CFAP251: variants seen among roughly 807,000 people sequenced by gnomAD.
CFAP251 encodes the protein cilia and flagella associated protein 251.
CFAP251 carries 93 observed loss-of-function variants against 126.7 expected under a neutral mutation model. That is an observed-to-expected ratio of 0.73 (90% CI 0.62 to 0.87). The LOEUF is 0.87. Among genes scored for constraint, CFAP251 ranks in the 40% least tolerant of loss-of-function variants. The pLI is 0.00. For synonymous variants in CFAP251, 503 were observed against 506.9 expected (o/e 0.99, Z 0.10); for missense variants, 1,287 against 1,389.2 (o/e 0.93, Z 1.17).
At chr12:121,934,201 G>A in intron 4 of CFAP251, 46 bp from the exon 5 acceptor site, 2 of 1,511,226 alleles carry the variant, frequency 1.3e-6, no homozygotes, top group Non-Finnish European at 1.8e-6. Flanking sequence ...GCCAAGGCTG[G>A]GCCGCATCTT....
At chr12:121,920,398 A>AT (rs35621554) in intron 1 of CFAP251, among the ~76,000 whole-genome samples, 6,402 of 96,292 alleles carry the variant, frequency 0.066, 398 homozygotes, top group East Asian at 0.21. Flanking sequence ...GGCTTTTTGT[A>AT]TTTTTTTTTT....
chr12:121,998,716 C>A (rs1176296222), intron 19 of CFAP251: 2 of 127,322 alleles, frequency 1.6e-5, no homozygotes, highest in African/African-American at 5.1e-5. Context: ...TGGTGAAACC[C>A]CGTCTCTAAA....
intron 2 of CFAP251, 42 bp downstream of exon 2, chr12:121,921,725 C>A (rs746037387): frequency 1.3e-6 from 2 of 1,562,956 alleles, no homozygotes; most frequent in South Asian, 1.2e-5. Context: ...CATTCAGAAT[C>A]ATTAGTTGAA....
chr12:121,994,018 A>G (rs1458258485), intron 19 of CFAP251, among the ~76,000 whole-genome samples: 1 of 7,636 alleles, frequency 1.3e-4, no homozygotes, highest in African/African-American at 7.5e-4. Flanking sequence ...TCCGGGAGGG[A>G]GGTGGGGGGG....
rs2135811383 is a variant in CFAP251, at chr12:121,989,995, T to A, written c.3007-9721T>A. ...ATAAGATGCTCTCGGGTGAGGGGAC[T>A]CCAGCCCACCACCAAGAGGCCACCC... On this transcript the variant is annotated intron_variant, in intron 19 of 21. Transcript: ENST00000288912. The surrounding 1 kb of genome is among the most constrained non-coding windows in gnomAD (Gnocchi z 4.2). Among the ~76,000 whole-genome samples the A allele has an allele frequency of 6.6e-6, 1 of 152,222 alleles. No individual in the cohort carries two copies. The highest frequency in any genetic ancestry group is 2.1e-4 in the South Asian group (1 of 4,820).
chr12:122,003,675 G>T lies in CFAP251; in HGVS notation c.3361G>T (p.Glu1121Ter). Reference sequence around the variant, plus strand: ...AGGTTCAGAAATTTGCCTTGAAGAAGAACTTCCAGACGAAATCACTGCAGA... The same window carrying T: ...AGGTTCAGAAATTTGCCTTGAAGAATAACTTCCAGACGAAATCACTGCAGA... ...VKGSEICLEEELPDEITAEIF... is the reference protein window; with the variant it reads ...VKGSEICLEE Residue 1121 changes from glutamate (E) to a stop codon, truncating the protein, a stop_gained, in exon 22 of 22, where the codon GAA (glutamate) becomes TAA (stop). Transcript: ENST00000288912. LOFTEE classifies it high-confidence loss of function. 6.2e-7 allele frequency: 1 copy of T among 1,610,428 alleles called. No individual in the cohort carries two copies. Among genetic ancestry groups the T allele is most frequent in the Non-Finnish European group, 8.5e-7 (1 of 1,179,010 alleles).
At chr12:122,001,465 A>G (rs1159422726) in intron 20 of CFAP251, 32 bp from the exon 21 acceptor site, 2 of 1,573,734 alleles carry the variant, frequency 1.3e-6, no homozygotes, top group East Asian at 4.5e-5. Context: ...CTCAAGAGTT[A>G]AACAATCACC....
intron 1 of CFAP251, 29 bp from the exon 2 acceptor site, chr12:121,921,256 AG>A: frequency 1.3e-6 from 2 of 1,529,414 alleles, no homozygotes; most frequent in Non-Finnish European, 1.7e-6. Context: ...GCTGAGGGCC[AG>A]CTGGTTATTA....
chr12:121,990,549 G>T (rs1882853892), intron 19 of CFAP251, among the ~76,000 whole-genome samples: 1 of 152,082 alleles, frequency 6.6e-6, no homozygotes, highest in Non-Finnish European at 1.5e-5. Flanking sequence ...CCTCCTACTG[G>T]CCAAACCCTT....
chr12:121,998,564 C>A (rs1440080888), intron 19 of CFAP251: 3 of 145,454 alleles, frequency 2.1e-5, no homozygotes, highest in Non-Finnish European at 4.5e-5. Context: ...TCTTTTCCTG[C>A]CTAATTTCCC....
chr12:121,925,051 C>T (rs143829322), intron 3 of CFAP251, among the ~76,000 whole-genome samples: 13 of 151,796 alleles, frequency 8.6e-5, no homozygotes, highest in African/African-American at 3.1e-4. Context: ...TTGTAAAACT[C>T]CTCCTTCATG....
intron 19 of CFAP251, among the ~76,000 whole-genome samples, chr12:121,979,925 C>T (rs1161583544): frequency 6.6e-6 from 1 of 152,212 alleles, no homozygotes; most frequent in African/African-American, 2.4e-5. Flanking sequence ...TTCTGGTTCA[C>T]AGAATTCCAG....
Position 121,949,031 on chromosome 12 carries a change from T to C in CFAP251, c.1239T>C (p.Asn413=). 1 of 1,589,848 alleles carries C rather than the reference T, an allele frequency of 6.3e-7. No homozygotes were observed. The highest frequency in any genetic ancestry group is 8.6e-7 in the Non-Finnish European group (1 of 1,168,264). Reference sequence around the variant, plus strand: ...CAAATAATAAAGAATTGGTGAGCAATAGTAAAACACGGGCAATATATTATG... The same window carrying C: ...CAAATAATAAAGAATTGGTGAGCAACAGTAAAACACGGGCAATATATTATG... The part of the protein sequence containing the change: ...NPTNNKELVS[N]SKTRAIYYAW... The change falls in exon 8 of 22, where the codon AAT becomes AAC. Residue 413 remains asparagine (N), a synonymous_variant. Coordinates refer to ENST00000288912, the MANE Select transcript of CFAP251 (RefSeq NM_144668.6).
intron 5 of CFAP251, among the ~76,000 whole-genome samples, chr12:121,940,993 C>T (rs1881089044): frequency 6.6e-6 from 1 of 151,994 alleles, no homozygotes; most frequent in African/African-American, 2.4e-5. Context: ...TTTTTGAAGG[C>T]AGCAAAGTTT....
rs142069376 is a variant in CFAP251 at position 122,003,839 on chromosome 12, A to G, written c.*75A>G. The G allele has an allele frequency of 1.1e-3, 1,203 of 1,136,668 alleles. 22 individuals carry two copies. The Admixed American group carries it at 0.025, about 24-fold the overall frequency. 70.4% of individuals were successfully genotyped at this position (1,136,668 alleles called of 1,614,324 possible). ...CACATGTGTGTGTTTTCCATGAGGC[A>G]CTGCTTTTTATGCATTTCCCTCCCC... On this transcript the variant is annotated 3_prime_UTR_variant, in exon 22 of 22. Transcript: ENST00000288912.
At chr12:121,954,636 T>TAAAAAA (rs1174239421) in intron 10 of CFAP251, among the ~76,000 whole-genome samples, 5,307 of 41,920 alleles carry the variant, frequency 0.13, 1,511 homozygotes, top group Non-Finnish European at 0.16. Flanking sequence ...CCTCCTGTCT[T>TAAAAAA]AAAAAAAAAA....
chr12:121,947,877 A>G (rs1881378063), intron 7 of CFAP251: 1 of 152,222 alleles, frequency 6.6e-6, no homozygotes, highest in Admixed American at 6.5e-5. Flanking sequence ...AAACACTGGC[A>G]TTAGTAGTTT....
At chr12:121,970,942 A>C (rs1458150305) in intron 17 of CFAP251, among the ~76,000 whole-genome samples, 1 of 152,172 alleles carries the variant, frequency 6.6e-6, no homozygotes, top group African/African-American at 2.4e-5. Context: ...ATGCCAGTAC[A>C]GCCCCCTGGC....
At chr12:121,944,837 C>T (rs1472483391) in intron 7 of CFAP251, among the ~76,000 whole-genome samples, 1 of 152,188 alleles carries the variant, frequency 6.6e-6, no homozygotes, top group African/African-American at 2.4e-5. Flanking sequence ...GTCTGGAGAG[C>T]AGTGGCGCGA....
Sources: allele counts gnomAD v4.1 joint callset (sites outside exome capture counted in the v4.1 genomes callset), GRCh38; gene constraint gnomAD v4.1.1; non-coding constraint Gnocchi (gnomAD v3.1); transcripts MANE v1.5; gene names NCBI Gene and HGNC (gene_info 2026-07-23, HGNC 2026-07-21).